Variants in DMD observed in about 807,000 individuals in gnomAD.
DMD encodes dystrophin.
Under a neutral mutation model 330.1 loss-of-function variants are expected in DMD, and 63 were observed. The ratio of observed to expected loss-of-function variants is 0.19; its 90% CI spans 0.16 to 0.24. The LOEUF (loss-of-function observed/expected upper bound fraction) is 0.24. Among genes scored for constraint, DMD ranks in the 10% least tolerant of loss-of-function variants. DMD has a pLI of 1.00. For missense variants in DMD, 3,344 were observed against 2,684.1 expected (o/e 1.25, Z -5.43); for synonymous variants, 1,223 against 959.8 (o/e 1.27, Z -5.07).
At chrX:31,481,009 C>A (rs1252301872) in intron 57 of DMD, among the ~76,000 whole-genome samples, 1 of 111,860 alleles carries the variant, frequency 8.9e-6, no homozygotes, top group Non-Finnish European at 1.9e-5. Context: ...AGAGAACATT[C>A]CAAGAAGAGG....
At chrX:31,139,186 G>A (rs1180313311) in intron 76 of DMD, among the ~76,000 whole-genome samples, 1 of 111,414 alleles carries the variant, frequency 9.0e-6, no homozygotes, top group African/African-American at 3.3e-5. Context: ...TGTGGATGTG[G>A]TGAAAACAGA....
chrX:32,427,306 G>A (rs1319734147), intron 29 of DMD, among the ~76,000 whole-genome samples: 2 of 111,352 alleles, frequency 1.8e-5, no homozygotes, highest in Non-Finnish European at 3.8e-5. Flanking sequence ...AGTTTGAGTA[G>A]CCTATGAGAT....
chrX:31,440,592 A>G (rs2064870266), intron 60 of DMD, among the ~76,000 whole-genome samples: 1 of 112,302 alleles, frequency 8.9e-6, no homozygotes, highest in South Asian at 3.7e-4. Flanking sequence ...CATGTTTCTA[A>G]GCCTCGGTTT....
rs181315378 is a variant in DMD, at chrX:33,088,128, C to A, written c.32-67928G>T. ...AGTGCAGTGGTGAAATCTCAGCTCA[C>A]TGCAACCTTTACCTCCCGGAGGATT... On this transcript the variant is annotated intron_variant, in intron 1 of 78. Coordinates refer to ENST00000357033, the MANE Select transcript of DMD (RefSeq NM_004006.3). Among the ~76,000 whole-genome samples the A allele has an allele frequency of 1.8e-3, 199 of 111,210 alleles. 1 individual carries two copies. The highest frequency in any genetic ancestry group is 6.4e-3 in the African/African-American group (196 of 30,603).
At chrX:32,477,098 G>T (rs1297383117) in intron 21 of DMD, among the ~76,000 whole-genome samples, 2 of 111,026 alleles carry the variant, frequency 1.8e-5, no homozygotes, top group African/African-American at 6.5e-5. Flanking sequence ...TCTAAAGAAA[G>T]TATTCCTATG....
intron 9 of DMD, among the ~76,000 whole-genome samples, chrX:32,681,004 C>A (rs1342333400): frequency 8.9e-6 from 1 of 112,252 alleles, no homozygotes; most frequent in Non-Finnish European, 1.9e-5. Flanking sequence ...ACATTTTCTA[C>A]CTTTGACCAG....
chrX:32,747,098 C>A (rs2070133256), intron 7 of DMD, among the ~76,000 whole-genome samples: 1 of 111,851 alleles, frequency 8.9e-6, no homozygotes, highest in Admixed American at 9.5e-5. Flanking sequence ...ATTCATTTAT[C>A]TGTTAATGGA....
intron 1 of DMD, chrX:33,041,579 T>C (rs1308257908): frequency 2.5e-6 from 3 of 1,208,089 alleles, no homozygotes. Context: ...GAATCCCGGA[T>C]GATGATCCCA....
At chrX:32,899,798 A>G (rs1430275834) in intron 2 of DMD, among the ~76,000 whole-genome samples, 1 of 111,960 alleles carries the variant, frequency 8.9e-6, no homozygotes, top group Non-Finnish European at 1.9e-5. Context: ...ATAAATTTAA[A>G]CATGTTTTTT....
At chrX:33,077,764 C>T (rs1473080120) in intron 1 of DMD, among the ~76,000 whole-genome samples, 2 of 111,931 alleles carry the variant, frequency 1.8e-5, no homozygotes, top group Non-Finnish European at 3.8e-5. Flanking sequence ...AGTTTGGGAA[C>T]TTCTAACCCA....
chrX:33,197,415 A>C (rs2051008098), intron 1 of DMD, among the ~76,000 whole-genome samples: 1 of 111,573 alleles, frequency 9.0e-6, no homozygotes, highest in South Asian at 3.7e-4. Context: ...TTTACCAGAT[A>C]GACAAGTATG....
intron 44 of DMD, among the ~76,000 whole-genome samples, chrX:32,055,703 G>A (rs768120662): frequency 3.8e-4 from 43 of 111,853 alleles, no homozygotes; most frequent in Non-Finnish European, 7.2e-4. Flanking sequence ...TAGACGTGAT[G>A]TGAGGTATAA....
At chrX:31,885,744 C>T (rs1241925992) in intron 47 of DMD, among the ~76,000 whole-genome samples, 2 of 108,880 alleles carry the variant, frequency 1.8e-5, no homozygotes, top group South Asian at 7.8e-4. Flanking sequence ...ATCATTAAAG[C>T]AATATACATT....
intron 29 of DMD, among the ~76,000 whole-genome samples, chrX:32,436,386 A>C (rs1434757223): frequency 4.5e-5 from 5 of 111,840 alleles, no homozygotes; most frequent in Non-Finnish European, 7.5e-5. Flanking sequence ...ATTCTAGCCC[A>C]AGTTTCAAGT....
chrX:32,287,761 A>AT lies in DMD; in HGVS notation c.6118-61_6118-60insA. ...GAATTAGCTGTCTATAGAAAGAGAA[A>AT]AATATATATATATATACAAATCCCA... On this transcript the variant is annotated intron_variant, in intron 42 of 78. Coordinates refer to ENST00000357033, the MANE Select transcript of DMD (RefSeq NM_004006.3). 7.7e-6 allele frequency: 6 copies of AT among 778,303 alleles called. No homozygotes were observed. The Admixed American group carries it at 1.1e-4, about 14-fold the overall frequency. 64.1% of individuals were successfully genotyped at this position (778,303 alleles called of 1,213,427 possible).
At chrX:31,550,908 T>C (rs5972408) in intron 55 of DMD, among the ~76,000 whole-genome samples, 41,405 of 110,656 alleles carry the variant, frequency 0.37, 6,212 homozygotes, top group African/African-American at 0.54. Context: ...GGGCTGGGCG[T>C]GGTGGCTCAT....
In DMD at chrX:31,199,594, T is replaced by C. The variant is rs186119992; in HGVS notation, c.9807+4367A>G. 2.7e-5 allele frequency among the ~76,000 whole-genome samples: 3 copies of C among 112,038 alleles called. No homozygotes were observed. In the Admixed American group the frequency reaches 2.8e-4, roughly 11 times the overall value. ...GGGAGGGATATGAGAAAACCTTTAA[T>C]AGATAATCCAGAGAGTGTGGCACAC... On this transcript the variant is annotated intron_variant, in intron 67 of 78. Coordinates refer to ENST00000357033, the MANE Select transcript of DMD (RefSeq NM_004006.3).
At chrX:31,323,484 AGACACAG>A in intron 62 of DMD, 107 bp downstream of exon 62, 1 of 637,448 alleles carries the variant, frequency 1.6e-6, no homozygotes, top group East Asian at 3.6e-5. Flanking sequence ...AGGAAAAAAA[AGACACAG>A]GTATTGTAGG....
chrX:32,148,380 ATT>A (rs909508027), intron 44 of DMD, among the ~76,000 whole-genome samples: 4 of 111,494 alleles, frequency 3.6e-5, no homozygotes, highest in African/African-American at 1.3e-4. Flanking sequence ...GGAGAATAAG[ATT>A]TGTTAAGGTA....
Sources: gnomAD v4.1 joint callset for allele counts (sites outside exome capture counted in the v4.1 genomes callset) on GRCh38, gnomAD v4.1.1 for gene constraint, MANE v1.5 for transcripts, NCBI Gene and HGNC (gene_info 2026-07-23, HGNC 2026-07-21) for gene names.